ZFYVE27: variants seen among roughly 807,000 people sequenced by gnomAD.
ZFYVE27 encodes the protein zinc finger FYVE-type containing 27.
In ZFYVE27, 36 loss-of-function variants were observed where a neutral mutation model predicts 52.8. That is an observed-to-expected ratio of 0.68 (90% CI 0.52 to 0.90). ZFYVE27 has a LOEUF of 0.90. Ranked by LOEUF, ZFYVE27 falls within the 40% of genes least tolerant of loss-of-function variation. The pLI is 0.00. For missense variants in ZFYVE27, 450 were observed against 527.2 expected (o/e 0.85, Z 1.43); for synonymous variants, 223 against 215.6 (o/e 1.03, Z -0.30).
At chr10:97,749,397 T>G (rs2046330763) in intron 5 of ZFYVE27, 77 bp from the exon 6 acceptor site, 2 of 1,062,560 alleles carry the variant, frequency 1.9e-6, no homozygotes, top group Admixed American at 1.7e-5. Flanking sequence ...ACCTGGACCC[T>G]GCTGTGGGTG....
chr10:97,742,044 C>T (rs1258099940), intron 2 of ZFYVE27, among the ~76,000 whole-genome samples: 2 of 151,318 alleles, frequency 1.3e-5, no homozygotes, highest in African/African-American at 4.9e-5. Flanking sequence ...GAGACAGAAT[C>T]GCTTGAACCC....
intron 6 of ZFYVE27, 81 bp from the exon 7 acceptor site, chr10:97,750,250 G>C (rs1050523676): frequency 6.4e-7 from 1 of 1,561,516 alleles, no homozygotes. Context: ...AGGCCAGCCA[G>C]CTGCAGAAGT....
chr10:97,759,134 T>TGG (rs558330606), intron 12 of ZFYVE27, 102 bp from the exon 13 acceptor site: 2 of 1,238,338 alleles, frequency 1.6e-6, no homozygotes, highest in Admixed American at 3.6e-5. Flanking sequence ...GTGGGCTGGG[T>TGG]GGGGGGTCTG....
At chr10:97,754,037 G>T (rs757829745) in intron 10 of ZFYVE27, among the ~76,000 whole-genome samples, 4 of 152,142 alleles carry the variant, frequency 2.6e-5, no homozygotes, top group Non-Finnish European at 4.4e-5. Flanking sequence ...AGGTTGACCT[G>T]GGAGCTGCTG....
intron 7 of ZFYVE27, 88 bp from the exon 8 acceptor site, chr10:97,751,303 C>T: frequency 2.7e-6 from 4 of 1,459,512 alleles, no homozygotes; most frequent in Non-Finnish European, 2.9e-6. Flanking sequence ...TTTTGGGTAG[C>T]CTGGATGCTG....
intron 2 of ZFYVE27, among the ~76,000 whole-genome samples, chr10:97,740,261 A>G (rs374591506): frequency 2.0e-4 from 31 of 152,350 alleles, no homozygotes; most frequent in African/African-American, 7.2e-4. Flanking sequence ...CAAAGGCCCT[A>G]CATTTTTCTT....
intron 2 of ZFYVE27, among the ~76,000 whole-genome samples, chr10:97,741,408 T>TA (rs952186473): frequency 6.6e-6 from 1 of 152,200 alleles, no homozygotes; most frequent in African/African-American, 2.4e-5. Flanking sequence ...GTGGCACATA[T>TA]ACACCATGGA....
intron 5 of ZFYVE27, among the ~76,000 whole-genome samples, chr10:97,748,615 G>A (rs2046092639): frequency 1.3e-5 from 2 of 152,160 alleles, no homozygotes; most frequent in Admixed American, 1.3e-4. Flanking sequence ...CCATGCAGCC[G>A]AATCTCTTGT....
intron 8 of ZFYVE27, among the ~76,000 whole-genome samples, chr10:97,752,506 C>T (rs1474685794): frequency 2.0e-5 from 3 of 152,192 alleles, no homozygotes; most frequent in East Asian, 1.9e-4. Flanking sequence ...CATCTTGACC[C>T]AGGTCACACT....
intron 5 of ZFYVE27, 76 bp from the exon 6 acceptor site, chr10:97,749,398 G>A (rs2046331507): frequency 1.9e-6 from 2 of 1,077,722 alleles, no homozygotes; most frequent in Non-Finnish European, 2.9e-6. Flanking sequence ...CCTGGACCCT[G>A]CTGTGGGTGT....
rs990193153 is a variant in ZFYVE27 at position 97,748,364 on chromosome 10, A to G, written c.551A>G (p.Gln184Arg). 1.9e-6 allele frequency: 3 copies of G among 1,613,920 alleles called. No homozygotes were observed. Among genetic ancestry groups the G allele is most frequent in the South Asian group, 1.1e-5 (1 of 91,022 alleles). The change falls in exon 5 of 13, where the codon CAG becomes CGG. Residue 184 changes from glutamine to arginine, a missense_variant and splice_region_variant. Physicochemically the swap from Gln to Arg is conservative, Grantham distance 43. Transcript: ENST00000684270. ...LHWENPVVSS[Q>R]FYGALLGTVC... ...TGGGAGAACCCCGTCGTGTCCTCAC[A>G]GTGAGTGACCCCTCCTCTCCCGCCA... is the stretch of plus-strand genomic sequence containing the variant.
rs2047357211 is a variant in ZFYVE27, at chr10:97,752,872, G to A, written c.892G>A (p.Val298Met). The A allele has an allele frequency of 6.2e-7, 1 of 1,613,832 alleles. No individual in the cohort carries two copies. The highest frequency in any genetic ancestry group is 2.2e-5 in the East Asian group (1 of 44,868). The stretch of plus-strand genomic sequence containing the variant: ...TGGGAGGCAGGAGACCCACTTGGTG[G>A]TGCTGGTAAGTGGAAGCCTTGGTGG... Reference protein sequence around the residue: ...KDAIEETHLVVLEDDEGAPCP... With the variant: ...KDAIEETHLVMLEDDEGAPCP... Residue 298 changes from valine (V) to methionine (M), a missense_variant, in exon 9 of 13, where the codon GTG becomes ATG. Val to Met is a conservative substitution (Grantham distance 21). Coordinates refer to ENST00000684270, the MANE Select transcript of ZFYVE27 (RefSeq NM_001385875.1).
chr10:97,740,272 G>A (rs938378428), intron 2 of ZFYVE27, among the ~76,000 whole-genome samples: 1 of 152,198 alleles, frequency 6.6e-6, no homozygotes, highest in Non-Finnish European at 1.5e-5. Flanking sequence ...CATTTTTCTT[G>A]TTCACCTAAT....
intron 2 of ZFYVE27, among the ~76,000 whole-genome samples, chr10:97,742,383 G>C (rs1434873126): frequency 1.3e-5 from 2 of 152,092 alleles, no homozygotes; most frequent in Non-Finnish European, 2.9e-5. Flanking sequence ...TTCCCTGTTT[G>C]GGGGCTTCTG....
intron 2 of ZFYVE27, among the ~76,000 whole-genome samples, chr10:97,739,033 G>A (rs2042860026): frequency 6.6e-6 from 1 of 151,950 alleles, no homozygotes; most frequent in South Asian, 2.1e-4. Flanking sequence ...TAAAAAATTA[G>A]GGTATAATTT....
At chr10:97,753,598 G>A (rs1289739883) in intron 10 of ZFYVE27, among the ~76,000 whole-genome samples, 6 of 152,078 alleles carry the variant, frequency 3.9e-5, no homozygotes, top group African/African-American at 1.4e-4. Context: ...TTCACACCCC[G>A]TGCCTCAGTT....
At position 97,752,858 on chromosome 10, in the gene ZFYVE27, A is replaced by G. The variant is rs767795630; in HGVS notation, c.878A>G (p.Glu293Gly). 8.3e-5 allele frequency: 134 copies of G among 1,612,252 alleles called. No homozygotes were observed. Among genetic ancestry groups the G allele is most frequent in the Middle Eastern group, 1.6e-4 (1 of 6,068 alleles). ...TCTTCCCCGCACCTTGGGAGGCAGG[A>G]GACCCACTTGGTGGTGCTGGTAAGT... is the stretch of plus-strand genomic sequence containing the variant. ...PDEEFKDAIE[E>G]THLVVLEDDE... The change falls in exon 9 of 13, where the codon GAG becomes GGG. Residue 293 changes from glutamate (E) to glycine (G), a missense_variant and splice_region_variant. Glu to Gly is a moderately conservative substitution (Grantham distance 98, BLOSUM62 -2). Transcript: ENST00000684270.
intron 7 of ZFYVE27, 24 bp from the exon 8 acceptor site, chr10:97,751,367 C>T (rs751709798): frequency 1.2e-6 from 2 of 1,613,052 alleles, no homozygotes; most frequent in Non-Finnish European, 1.7e-6. Context: ...CCTTCTCCTT[C>T]TGTCATAGAG....
In ZFYVE27 at chr10:97,759,370, C is replaced by T. The variant is rs1250648888; in HGVS notation, c.*70C>T. 10 of 1,543,030 alleles carry T rather than the reference C, an allele frequency of 6.5e-6. No individual in the cohort carries two copies. The highest frequency in any genetic ancestry group is 6.3e-6 in the Non-Finnish European group (7 of 1,116,518). Reference sequence around the variant, plus strand: ...CAGTAGACCCCCCACTCTCCCCACCCCTGGCCCACTGTGGTGTGTGCTGGG... The same window carrying T: ...CAGTAGACCCCCCACTCTCCCCACCTCTGGCCCACTGTGGTGTGTGCTGGG... On this transcript the variant is annotated 3_prime_UTR_variant, in exon 13 of 13. Coordinates refer to ENST00000684270, the MANE Select transcript of ZFYVE27 (RefSeq NM_001385875.1).
Sources: gnomAD v4.1 joint callset for allele counts (sites outside exome capture counted in the v4.1 genomes callset) on GRCh38, gnomAD v4.1.1 for gene constraint, MANE v1.5 for transcripts, NCBI Gene and HGNC (gene_info 2026-07-23, HGNC 2026-07-21) for gene names.